Variants in KALRN observed in about 807,000 individuals in gnomAD.
KALRN encodes the protein kalirin.
A neutral mutation model predicts 353.7 loss-of-function variants in KALRN; 70 were observed. The observed-to-expected ratio is 0.20, with a 90% CI of 0.16 to 0.24. KALRN has a LOEUF of 0.24. Among genes scored for constraint, KALRN ranks in the 10% least tolerant of loss-of-function variants. The pLI, the probability that KALRN is intolerant of heterozygous loss-of-function variation, is 1.00. For synonymous variants in KALRN, 1,391 were observed against 1,434.8 expected (o/e 0.97, Z 0.69); for missense variants, 2,791 against 3,756.7 (o/e 0.74, Z 6.72).
chr3:124,422,831 A>C lies in KALRN; in HGVS notation c.2562A>C (p.Glu854Asp), dbSNP rs771239842. 3 of 1,613,762 alleles carry C rather than the reference A, an allele frequency of 1.9e-6. No individual in the cohort carries two copies. Among genetic ancestry groups the C allele is most frequent in the African/African-American group, 1.3e-5 (1 of 74,926 alleles). The change falls in exon 15 of 60, where the codon GAA (glutamate) becomes GAC (aspartate). Residue 854 changes from glutamate (E) to aspartate (D), a missense_variant. Physicochemically the swap from Glu to Asp is conservative, Grantham distance 45. Around this residue, in one of 11 missense-constraint regions of KALRN, gnomAD observed 452 missense variants for 575.8 expected, o/e 0.78. Transcript: ENST00000682506. ...AATCAGGAATTGAGTTGATCTGTGA[A>C]AAAGACATTGATCTGGCAGCCCAGG... The part of the protein sequence containing the change: ...VQASGIELIC[E>D]KDIDLAAQVQ...
intron 1 of KALRN, among the ~76,000 whole-genome samples, chr3:124,199,149 G>A (rs1328566944): frequency 6.6e-6 from 1 of 152,224 alleles, no homozygotes; most frequent in Non-Finnish European, 1.5e-5. Context: ...ACACAGGTTG[G>A]AGCATTGATA....
intron 53 of KALRN, among the ~76,000 whole-genome samples, chr3:124,695,294 G>A (rs114323618): frequency 2.0e-5 from 3 of 152,206 alleles, no homozygotes; most frequent in Non-Finnish European, 4.4e-5. Context: ...CAGTGGACAA[G>A]TGGTAGCAAG....
intron 57 of KALRN, among the ~76,000 whole-genome samples, chr3:124,708,576 T>C (rs2062746923): frequency 6.6e-6 from 1 of 151,944 alleles, no homozygotes; most frequent in African/African-American, 2.4e-5. Flanking sequence ...TTATCTGACA[T>C]GAAGAATAGA....
chr3:124,493,352 A>T (rs2063368837), intron 32 of KALRN, among the ~76,000 whole-genome samples: 1 of 151,978 alleles, frequency 6.6e-6, no homozygotes, highest in Non-Finnish European at 1.5e-5. Context: ...TCTTACTGCA[A>T]CCCCCACAGA....
chr3:124,137,348 T>C (rs556415814), intron 1 of KALRN, among the ~76,000 whole-genome samples: 2 of 152,142 alleles, frequency 1.3e-5, no homozygotes, highest in African/African-American at 4.8e-5. Context: ...CAGTTGGCTG[T>C]GTGGCTGGGA....
rs1371833838 is a variant in KALRN at position 124,697,636 on chromosome 3, C to G, written c.7743C>G (p.Ser2581Arg). 1 of 1,612,510 alleles carries G rather than the reference C, an allele frequency of 6.2e-7. No individual in the cohort carries two copies. The highest frequency in any genetic ancestry group is 1.7e-5 in the Admixed American group (1 of 59,878). The change falls in exon 55 of 60, where the codon AGC (serine) becomes AGG (arginine). Residue 2581 changes from serine to arginine, a missense_variant. This residue lies in a region of KALRN where 1,065 missense variants were observed against 1,156.4 expected (regional missense o/e 0.92). Transcript: ENST00000682506. ...ACCGCCCCATTGCCCAGGAGAGAAG[C>G]TGCACCTCCGTGATTCTCCGCTGGC... is the stretch of plus-strand genomic sequence containing the variant. ...APNRPIAQER[S>R]CTSVILRWLP...
intron 34 of KALRN, chr3:124,584,712 G>A: frequency 6.8e-7 from 1 of 1,481,156 alleles, no homozygotes; most frequent in Non-Finnish European, 8.9e-7. Context: ...GCACAGCGGG[G>A]AGGGCGGGAG....
chr3:124,668,054 A>G (rs2085878491), intron 47 of KALRN, among the ~76,000 whole-genome samples: 1 of 66,054 alleles, frequency 1.5e-5, no homozygotes, highest in Non-Finnish European at 3.2e-5. Flanking sequence ...ACACACACAC[A>G]CACACACACA....
At position 124,446,243 on chromosome 3, in the gene KALRN, G is replaced by C; in HGVS notation, c.3396G>C (p.Gln1132His). Reference sequence around the variant, plus strand: ...AGAAGCGGCGGTTAGACCAATGCCAGCAATATGTGGTGTTCGAGCGCAGCG... The same window carrying C: ...AGAAGCGGCGGTTAGACCAATGCCACCAATATGTGGTGTTCGAGCGCAGCG... ...TLKKRRLDQC[Q>H]QYVVFERSAK... The change falls in exon 20 of 60, where the codon CAG becomes CAC. Residue 1132 changes from glutamine (Q) to histidine (H), a missense_variant. This residue lies in a region of KALRN where 268 missense variants were observed against 347.0 expected (regional missense o/e 0.77). Transcript: ENST00000682506. The C allele has an allele frequency of 1.2e-6, 2 of 1,614,024 alleles. No homozygotes were observed. The highest frequency in any genetic ancestry group is 1.7e-6 in the Non-Finnish European group (2 of 1,179,874).
intron 1 of KALRN, among the ~76,000 whole-genome samples, chr3:124,181,273 C>T (rs888776095): frequency 1.1e-4 from 17 of 151,704 alleles, no homozygotes; most frequent in Admixed American, 2.0e-4. Flanking sequence ...CACATTTATG[C>T]GTGATGGTTA....
intron 11 of KALRN, among the ~76,000 whole-genome samples, chr3:124,386,215 A>G (rs575615936): frequency 1.3e-5 from 2 of 152,298 alleles, no homozygotes; most frequent in Non-Finnish European, 2.9e-5. Flanking sequence ...ATGAGTGTCT[A>G]TAAAACAAGG....
intron 13 of KALRN, chr3:124,410,358 T>G: frequency 2.1e-6 from 1 of 470,266 alleles, no homozygotes; most frequent in Non-Finnish European, 4.3e-6. Flanking sequence ...ATGCTTGTTG[T>G]CTTAGTTTTA....
chr3:124,565,269 C>G (rs954495708), intron 34 of KALRN, among the ~76,000 whole-genome samples: 1 of 152,190 alleles, frequency 6.6e-6, no homozygotes, highest in African/African-American at 2.4e-5. Flanking sequence ...CTGCTTTCCC[C>G]CCTGTCCTCT....
chr3:124,508,702 G>A lies in KALRN; in HGVS notation c.4935+12289G>A, dbSNP rs551777754. ...AATTGTTAGGTGATAGGATGTGTGT[G>A]TATATTTTCACCTTTACTTGAAGAT... On this transcript the variant is annotated intron_variant, in intron 33 of 59. Transcript: ENST00000682506. Among the ~76,000 whole-genome samples the A allele has an allele frequency of 3.3e-5, 5 of 152,272 alleles. No individual in the cohort carries two copies. In the East Asian group the frequency reaches 7.7e-4, roughly 23 times the overall value.
At chr3:124,548,613 C>T (rs2070026093) in intron 33 of KALRN, among the ~76,000 whole-genome samples, 2 of 152,262 alleles carry the variant, frequency 1.3e-5, no homozygotes, top group Admixed American at 6.5e-5. Context: ...ATAACAACAG[C>T]CATTAAGTAG....
chr3:124,693,149 G>T (rs1370827287), intron 51 of KALRN, among the ~76,000 whole-genome samples: 1 of 152,192 alleles, frequency 6.6e-6, no homozygotes. Flanking sequence ...GGGTTGGAAT[G>T]GTTGGGTCAG....
chr3:124,219,962 T>C (rs1373126514), intron 1 of KALRN, among the ~76,000 whole-genome samples: 3 of 151,826 alleles, frequency 2.0e-5, no homozygotes, highest in Admixed American at 6.6e-5. Context: ...TGTTTTGTTT[T>C]GAGATGGAGT....
At chr3:124,106,063 A>C (rs145965342) in intron 1 of KALRN, among the ~76,000 whole-genome samples, 1 of 152,320 alleles carries the variant, frequency 6.6e-6, no homozygotes, top group Non-Finnish European at 1.5e-5. Flanking sequence ...CACAAGTCAA[A>C]GTAACAGTTG....
chr3:124,718,775 A>C (rs180985735), intron 59 of KALRN, 150 bp from the exon 60 acceptor site: 4 of 667,738 alleles, frequency 6.0e-6, no homozygotes, highest in Non-Finnish European at 7.6e-6. Context: ...TATCCTATGC[A>C]GTTTCCGTAG....
Sources: allele counts gnomAD v4.1 joint callset (sites outside exome capture counted in the v4.1 genomes callset), GRCh38; gene constraint gnomAD v4.1.1; regional missense constraint gnomAD v4.1.1; transcripts MANE v1.5; gene names NCBI Gene and HGNC (gene_info 2026-07-23, HGNC 2026-07-21).